SSBP2: variants seen among roughly 807,000 people sequenced by gnomAD.
The protein encoded by SSBP2 is single-stranded DNA-binding protein 2.
SSBP2 carries 17 observed loss-of-function variants against 61.8 expected under a neutral mutation model. The ratio of observed to expected loss-of-function variants is 0.28; its 90% CI spans 0.19 to 0.41. SSBP2 has a LOEUF of 0.41. Ranked by LOEUF, SSBP2 falls within the 10% of genes least tolerant of loss-of-function variation. SSBP2 has a pLI of 1.00. For synonymous variants in SSBP2, 139 were observed against 141.3 expected, an observed-to-expected ratio of 0.98 and a Z score of 0.12; for missense variants, 310 against 458.7, an observed-to-expected ratio of 0.68 and a Z score of 2.96.
intron 1 of SSBP2, among the ~76,000 whole-genome samples, chr5:81,728,026 T>C (rs1418462956): frequency 6.6e-6 from 1 of 152,120 alleles, no homozygotes; most frequent in African/African-American, 2.4e-5. Flanking sequence ...GCTAGCATAT[T>C]CAAGGACTGA....
Position 81,428,648 on chromosome 5 carries a change from C to A in SSBP2, c.993G>T (p.Pro331=), listed in dbSNP as rs758786150. 1 of 1,613,052 alleles carries A rather than the reference C, an allele frequency of 6.2e-7. No homozygotes were observed. Among genetic ancestry groups the A allele is most frequent in the African/African-American group, 1.3e-5 (1 of 74,844 alleles). Residue 331 remains proline (P), a synonymous_variant, in exon 16 of 17, where the codon CCG becomes CCT. Coordinates refer to ENST00000320672, the MANE Select transcript of SSBP2 (RefSeq NM_012446.5). Reference sequence around the variant, plus strand: ...TTTCGCCATCATCCCTTGGAGTGCCCGGTTGATTACTCAGGCTCATATTAT... The same window carrying A: ...TTTCGCCATCATCCCTTGGAGTGCCAGGTTGATTACTCAGGCTCATATTAT...
chr5:81,713,379 G>A (rs1293206132), intron 1 of SSBP2, among the ~76,000 whole-genome samples: 1 of 151,864 alleles, frequency 6.6e-6, no homozygotes, highest in Non-Finnish European at 1.5e-5. Flanking sequence ...TCTCTTGGTG[G>A]AGATTTTTTT....
intron 1 of SSBP2, among the ~76,000 whole-genome samples, chr5:81,695,865 TATA>T (rs1419128563): frequency 2.0e-5 from 3 of 152,166 alleles, no homozygotes; most frequent in Non-Finnish European, 4.4e-5. Flanking sequence ...TGCTTAATAA[TATA>T]ATTTTTATCT....
chr5:81,445,110 C>T (rs1216159668), intron 12 of SSBP2, among the ~76,000 whole-genome samples: 5 of 125,578 alleles, frequency 4.0e-5, no homozygotes. Context: ...GTGACAGAGG[C>T]TCTGTCTCAG....
At chr5:81,503,977 C>T (rs2154073999) in intron 5 of SSBP2, among the ~76,000 whole-genome samples, 1 of 152,004 alleles carries the variant, frequency 6.6e-6, no homozygotes, top group Non-Finnish European at 1.5e-5. Flanking sequence ...ATACTGGGGC[C>T]TACTTGAGGG....
chr5:81,572,636 G>A (rs1286593952), intron 4 of SSBP2, among the ~76,000 whole-genome samples: 1 of 152,106 alleles, frequency 6.6e-6, no homozygotes, highest in African/African-American at 2.4e-5. Context: ...TATAAAAGAG[G>A]TATATAGAAA....
chr5:81,557,811 G>C (rs929402791), intron 4 of SSBP2, among the ~76,000 whole-genome samples: 10 of 152,184 alleles, frequency 6.6e-5, no homozygotes, highest in African/African-American at 2.4e-4. Context: ...GCCAGTTATA[G>C]ATTGGTTTTG....
At chr5:81,678,403 C>T (rs950561204) in intron 1 of SSBP2, among the ~76,000 whole-genome samples, 1 of 151,894 alleles carries the variant, frequency 6.6e-6, no homozygotes, top group African/African-American at 2.4e-5. Context: ...ATAAAAAGAA[C>T]AGAATATCCA....
intron 4 of SSBP2, among the ~76,000 whole-genome samples, chr5:81,531,906 G>A (rs969751370): frequency 1.3e-5 from 2 of 152,082 alleles, no homozygotes; most frequent in African/African-American, 2.4e-5. Flanking sequence ...ATCACCTACT[G>A]GAGAAGAAAG....
chr5:81,651,729 G>A lies in SSBP2; in HGVS notation c.63-1390C>T, dbSNP rs534786687. On this transcript the variant is annotated intron_variant, in intron 1 of 16. Transcript: ENST00000320672. ...TTATCACCCAAAGTACATCATAAGG[G>A]ATACAGGAAATTGGAATATTCCTGT... Among the ~76,000 whole-genome samples the A allele has an allele frequency of 1.4e-3, 215 of 152,218 alleles. No individual in the cohort carries two copies. In the South Asian group the frequency reaches 0.016, roughly 11 times the overall value.
intron 4 of SSBP2, among the ~76,000 whole-genome samples, chr5:81,604,922 TAA>T (rs982507584): frequency 5.6e-4 from 86 of 152,264 alleles, no homozygotes; most frequent in African/African-American, 1.9e-3. Flanking sequence ...TAATATGTTA[TAA>T]GAGTGTATTT....
At chr5:81,668,468 C>T (rs558431840) in intron 1 of SSBP2, among the ~76,000 whole-genome samples, 10 of 151,738 alleles carry the variant, frequency 6.6e-5, no homozygotes, top group Non-Finnish European at 1.2e-4. Flanking sequence ...AGTAAATTTT[C>T]GTTAAAAAAA....
At chr5:81,449,145 C>T (rs1763599646) in intron 10 of SSBP2, among the ~76,000 whole-genome samples, 2 of 152,050 alleles carry the variant, frequency 1.3e-5, no homozygotes, top group African/African-American at 4.8e-5. Context: ...ATTTGTGTAT[C>T]TAAAAATGGG....
chr5:81,625,702 C>T (rs1747075905), intron 3 of SSBP2, among the ~76,000 whole-genome samples: 1 of 152,008 alleles, frequency 6.6e-6, no homozygotes, highest in Admixed American at 6.6e-5. Flanking sequence ...TCCCTCTATT[C>T]CTGAGAATGT....
intron 4 of SSBP2, among the ~76,000 whole-genome samples, chr5:81,537,603 C>T (rs956909992): frequency 6.6e-6 from 1 of 152,122 alleles, no homozygotes; most frequent in African/African-American, 2.4e-5. Flanking sequence ...ATCATTTATC[C>T]AACAGCATGT....
In SSBP2 at chr5:81,677,959, C is replaced by G. The variant is rs556985885; in HGVS notation, c.63-27620G>C. ...CACAACACCACTAAGCTACTAAAGGCCTATTTACAGCAATTGTTTTTATCC... is the reference window on the plus strand; with the variant it reads ...CACAACACCACTAAGCTACTAAAGGGCTATTTACAGCAATTGTTTTTATCC... On this transcript the variant is annotated intron_variant, in intron 1 of 16. Coordinates refer to ENST00000320672, the MANE Select transcript of SSBP2 (RefSeq NM_012446.5). Among the ~76,000 whole-genome samples the G allele has an allele frequency of 6.6e-5, 10 of 152,182 alleles. No homozygotes were observed. In the South Asian group the frequency reaches 2.1e-3, roughly 32 times the overall value.
intron 4 of SSBP2, among the ~76,000 whole-genome samples, chr5:81,592,077 T>G (rs1014692118): frequency 1.3e-5 from 2 of 152,220 alleles, no homozygotes; most frequent in African/African-American, 4.8e-5. Context: ...GGGAATTCCC[T>G]TTCCTAGTCA....
In SSBP2 at chr5:81,415,133, C is replaced by T. The variant is rs552490499; in HGVS notation, c.*5371G>A. On this transcript the variant is annotated 3_prime_UTR_variant, in exon 17 of 17. Transcript: ENST00000320672. Reference sequence around the variant, plus strand: ...CCTCATAGCAAACAATAAACTTATTCCACCAGGAGGGAAAAACAGAAAGAA... The same window carrying T: ...CCTCATAGCAAACAATAAACTTATTTCACCAGGAGGGAAAAACAGAAAGAA... 39 of 152,296 alleles carry T rather than the reference C, an allele frequency of 2.6e-4. No homozygotes were observed. The highest frequency in any genetic ancestry group is 8.4e-4 in the African/African-American group (35 of 41,562). The allele number at this position is 152,296 out of a possible 1,614,324, so 9.4% of individuals were successfully genotyped here.
chr5:81,583,788 G>A (rs1055840606), intron 4 of SSBP2, among the ~76,000 whole-genome samples: 4 of 152,128 alleles, frequency 2.6e-5, no homozygotes, highest in African/African-American at 9.7e-5. Context: ...TTCAAACAGA[G>A]ATGAAGTTTC....
Sources: allele counts gnomAD v4.1 joint callset (sites outside exome capture counted in the v4.1 genomes callset), GRCh38; gene constraint gnomAD v4.1.1; transcripts MANE v1.5; gene names NCBI Gene and HGNC (gene_info 2026-07-23, HGNC 2026-07-21).